ADCK1: variants seen among roughly 807,000 people sequenced by gnomAD.
ADCK1 encodes aarF domain-containing protein kinase 1.
A neutral mutation model predicts 52.3 loss-of-function variants in ADCK1; 41 were observed. The observed-to-expected ratio is 0.78, with a 90% CI of 0.61 to 1.02. ADCK1 has a LOEUF of 1.02. ADCK1 is among the 50% of genes least tolerant of loss of function. The pLI, the probability that ADCK1 is intolerant of heterozygous loss-of-function variation, is 0.00. For synonymous variants in ADCK1, 250 were observed against 274.6 expected (o/e 0.91, Z 0.89); for missense variants, 658 against 679.5 (o/e 0.97, Z 0.35).
At chr14:77,886,839 G>A (rs1233524774) in intron 4 of ADCK1, among the ~76,000 whole-genome samples, 6 of 152,042 alleles carry the variant, frequency 3.9e-5, no homozygotes, top group South Asian at 4.2e-4. Flanking sequence ...CCTGGGGGGC[G>A]GAGGCTGCAG....
intron 1 of ADCK1, among the ~76,000 whole-genome samples, chr14:77,805,252 C>CT (rs777184096): frequency 0.035 from 2,184 of 62,344 alleles, 375 homozygotes; most frequent in Non-Finnish European, 0.052. Flanking sequence ...GCTTTGCATT[C>CT]TTTTTTTTTT....
At chr14:77,904,662 C>T (rs17106585) in intron 6 of ADCK1, among the ~76,000 whole-genome samples, 4,874 of 152,288 alleles carry the variant, frequency 0.032, 149 homozygotes, top group South Asian at 0.12. Flanking sequence ...TCTTGGGGTC[C>T]AGATTGGCAT....
At chr14:77,931,763 A>G (rs1254598311) in intron 10 of ADCK1, 52 bp downstream of exon 10, 1 of 1,558,238 alleles carries the variant, frequency 6.4e-7, no homozygotes, top group Non-Finnish European at 8.7e-7. Flanking sequence ...GGCCTGCCCC[A>G]GGGGTCCTGC....
At chr14:77,820,440 C>T (rs901643663) in intron 2 of ADCK1, among the ~76,000 whole-genome samples, 4 of 151,530 alleles carry the variant, frequency 2.6e-5, no homozygotes, top group African/African-American at 4.9e-5. Flanking sequence ...AAGAGATCCT[C>T]GTGCCTCAGA....
intron 4 of ADCK1, among the ~76,000 whole-genome samples, chr14:77,873,884 A>G (rs191074565): frequency 1.9e-3 from 285 of 152,364 alleles, no homozygotes; most frequent in African/African-American, 6.6e-3. Context: ...TGTCTTTATT[A>G]GCAGTGTGAG....
At chr14:77,808,926 C>A (rs1295810019) in intron 1 of ADCK1, among the ~76,000 whole-genome samples, 1 of 152,084 alleles carries the variant, frequency 6.6e-6, no homozygotes, top group Non-Finnish European at 1.5e-5. Flanking sequence ...CCTTTTGGAT[C>A]TAGTGGAGAG....
intron 1 of ADCK1, 30 bp from the exon 2 acceptor site, chr14:77,818,938 A>G (rs1330111679): frequency 1.3e-5 from 21 of 1,607,278 alleles, no homozygotes; most frequent in African/African-American, 2.7e-5. Context: ...TTTAACTGCT[A>G]TTCTTTCTCA....
chr14:77,817,279 A>T (rs2081476280), intron 1 of ADCK1, among the ~76,000 whole-genome samples: 1 of 152,206 alleles, frequency 6.6e-6, no homozygotes, highest in Non-Finnish European at 1.5e-5. Flanking sequence ...GTTTGTAATA[A>T]TAGTTTCCAT....
At chr14:77,924,674 G>C (rs868614084) in intron 8 of ADCK1, 68 bp downstream of exon 8, 1 of 1,582,936 alleles carries the variant, frequency 6.3e-7, no homozygotes, top group Non-Finnish European at 8.6e-7. Context: ...ACTCTAATTA[G>C]CTGCAGAACC....
chr14:77,881,820 C>A (rs1053247965), intron 4 of ADCK1, among the ~76,000 whole-genome samples: 2 of 152,162 alleles, frequency 1.3e-5, no homozygotes, highest in Non-Finnish European at 1.5e-5. Context: ...AAGCTATCAC[C>A]GGGAAATGAG....
At chr14:77,892,652 A>G (rs957792055) in intron 5 of ADCK1, among the ~76,000 whole-genome samples, 1 of 151,760 alleles carries the variant, frequency 6.6e-6, no homozygotes. Flanking sequence ...AAAAAAAAAA[A>G]AGAGATCCCT....
Position 77,934,782 on chromosome 14 carries a change from G to C in ADCK1, c.*1391G>C, listed in dbSNP as rs963593477. 3.9e-5 allele frequency: 6 copies of C among 152,120 alleles called. No homozygotes were observed. The highest frequency in any genetic ancestry group is 8.8e-5 in the Non-Finnish European group (6 of 68,032). 9.4% of individuals were successfully genotyped at this position (152,120 alleles called of 1,614,324 possible). On this transcript the variant is annotated 3_prime_UTR_variant, in exon 11 of 11. Coordinates refer to ENST00000238561, the MANE Select transcript of ADCK1 (RefSeq NM_020421.4). ...ATCCTGAATTTGAGCCTAATTTTCT[G>C]TACTCTTTATTCATAGTACAGCAAG...
chr14:77,866,289 C>T (rs552474354), intron 4 of ADCK1, among the ~76,000 whole-genome samples: 2 of 152,242 alleles, frequency 1.3e-5, no homozygotes, highest in East Asian at 1.9e-4. Context: ...TATAATGGAT[C>T]GCTTTTGTAT....
At chr14:77,823,662 T>G (rs1390064346) in intron 3 of ADCK1, among the ~76,000 whole-genome samples, 1 of 151,666 alleles carries the variant, frequency 6.6e-6, no homozygotes, top group Non-Finnish European at 1.5e-5. Context: ...AACCTCCGTT[T>G]CCTGGATTCA....
chr14:77,843,812 T>G (rs1373274875), intron 3 of ADCK1, among the ~76,000 whole-genome samples: 1 of 152,180 alleles, frequency 6.6e-6, no homozygotes, highest in Non-Finnish European at 1.5e-5. Context: ...TAAACTCTGT[T>G]CTCTATTAAA....
intron 4 of ADCK1, among the ~76,000 whole-genome samples, chr14:77,878,109 T>C (rs1367230629): frequency 6.6e-6 from 1 of 152,244 alleles, no homozygotes; most frequent in Non-Finnish European, 1.5e-5. Flanking sequence ...TGTGGTTACT[T>C]TCTATCGCCT....
intron 9 of ADCK1, 101 bp from the exon 10 acceptor site, chr14:77,931,417 C>A (rs1454947613): frequency 1.6e-6 from 2 of 1,255,114 alleles, no homozygotes; most frequent in South Asian, 1.4e-5. Context: ...CCTCCTGGGG[C>A]TTCTTTGCAG....
At chr14:77,817,504 G>T (rs955275806) in intron 1 of ADCK1, among the ~76,000 whole-genome samples, 1 of 152,218 alleles carries the variant, frequency 6.6e-6, no homozygotes, top group Non-Finnish European at 1.5e-5. Context: ...GAAGCACTCT[G>T]TTGGGTGCAC....
chr14:77,922,514 C>T (rs553592007), intron 7 of ADCK1, among the ~76,000 whole-genome samples: 4 of 152,250 alleles, frequency 2.6e-5, no homozygotes, highest in African/African-American at 7.2e-5. Flanking sequence ...GGCACAGCAC[C>T]GTGGCATTCT....
Sources: gnomAD v4.1 joint callset for allele counts (sites outside exome capture counted in the v4.1 genomes callset) on GRCh38, gnomAD v4.1.1 for gene constraint, MANE v1.5 for transcripts, NCBI Gene and HGNC (gene_info 2026-07-23, HGNC 2026-07-21) for gene names.